The following PAXIP1 variants were observed in gnomAD, a reference collection of about 807,000 sequenced individuals.
PAXIP1 encodes PAX interacting protein 1.
In PAXIP1, 19 loss-of-function variants were observed where a neutral mutation model predicts 140.6. The observed-to-expected ratio is 0.14, with a 90% CI of 0.09 to 0.20. The LOEUF (loss-of-function observed/expected upper bound fraction) is 0.20. PAXIP1 is among the 10% of genes least tolerant of loss of function. The pLI, the probability that PAXIP1 is intolerant of heterozygous loss-of-function variation, is 1.00. For missense variants in PAXIP1, 920 were observed against 1,208.6 expected (o/e 0.76, Z 3.54); for synonymous variants, 442 against 444.6 (o/e 0.99, Z 0.07).
intron 12 of PAXIP1, among the ~76,000 whole-genome samples, chr7:154,960,198 C>T (rs1055395436): frequency 8.5e-5 from 13 of 152,188 alleles, no homozygotes; most frequent in Non-Finnish European, 1.5e-4. Flanking sequence ...AACGTTGTGT[C>T]GAAACCCATG....
At chr7:154,984,985 G>A (rs1810005753) in intron 4 of PAXIP1, among the ~76,000 whole-genome samples, 1 of 152,122 alleles carries the variant, frequency 6.6e-6, no homozygotes, top group Non-Finnish European at 1.5e-5. Flanking sequence ...GAGGAGACCT[G>A]GCATTAATAC....
rs577391286 is a variant in PAXIP1 at position 154,976,150 on chromosome 7, T to A, written c.620A>T (p.Asp207Val). ...EEEEVENEEQDSQNEGSTDEK... is the reference protein window; with the variant it reads ...EEEEVENEEQVSQNEGSTDEK... ...ATCTGTACTACCCTCATTCTGAGAATCTTGTTCCTCATTTTCTACTTCCTC... is the reference window on the plus strand; with the variant it reads ...ATCTGTACTACCCTCATTCTGAGAAACTTGTTCCTCATTTTCTACTTCCTC... Residue 207 changes from aspartate to valine, a missense_variant, in exon 6 of 21, where the codon GAT (aspartate) becomes GTT (valine). Asp to Val is a radical substitution (Grantham distance 152, BLOSUM62 -3). Transcript: ENST00000404141. The A allele has an allele frequency of 4.5e-5, 71 of 1,582,168 alleles. No individual in the cohort carries two copies. The highest frequency in any genetic ancestry group is 2.2e-4 in the Admixed American group (12 of 53,994).
chr7:154,998,873 A>G, intron 1 of PAXIP1, 89 bp from the exon 2 acceptor site: 4 of 1,137,930 alleles, frequency 3.5e-6, no homozygotes, highest in Admixed American at 2.3e-5. Context: ...GCATAATAGT[A>G]CTTTTTAATA....
chr7:155,003,164 C>A (rs1184401461), upstream of PAXIP1: 1 of 150,850 alleles, frequency 6.6e-6, no homozygotes, highest in Non-Finnish European at 1.5e-5. Context: ...ACCATCCCGC[C>A]CCGGCCACCG....
At chr7:154,972,284 C>T (rs1394042712) in intron 6 of PAXIP1, among the ~76,000 whole-genome samples, 2 of 152,128 alleles carry the variant, frequency 1.3e-5, no homozygotes, top group East Asian at 1.9e-4. Context: ...GTCAGGAGTT[C>T]GAGACCAGCC....
At chr7:154,999,721 C>A (rs918533915) in intron 1 of PAXIP1, among the ~76,000 whole-genome samples, 7 of 152,132 alleles carry the variant, frequency 4.6e-5, no homozygotes, top group African/African-American at 1.7e-4. Flanking sequence ...GCATGCCATT[C>A]TTTGGGGGTC....
intron 5 of PAXIP1, 138 bp from the exon 6 acceptor site, chr7:154,976,469 A>C: frequency 8.2e-7 from 1 of 1,221,708 alleles, no homozygotes; most frequent in Non-Finnish European, 1.1e-6. Flanking sequence ...TTTATACAGA[A>C]GCAACGTTTG....
intron 4 of PAXIP1, among the ~76,000 whole-genome samples, chr7:154,987,151 C>T (rs575173147): frequency 1.3e-5 from 2 of 152,344 alleles, no homozygotes; most frequent in Admixed American, 1.3e-4. Flanking sequence ...ACACTGGTGA[C>T]TTCTCAGCTG....
intron 13 of PAXIP1, among the ~76,000 whole-genome samples, chr7:154,957,899 G>A (rs1032580004): frequency 4.7e-5 from 7 of 150,340 alleles, no homozygotes; most frequent in Non-Finnish European, 7.4e-5. Flanking sequence ...CCCGGGAAGC[G>A]GAGCTTGCAG....
In PAXIP1 at chr7:154,945,995, G is replaced by C. The variant is rs148255151; in HGVS notation, c.3194+370C>G. The stretch of plus-strand genomic sequence containing the variant: ...GTTCCTGAGTACAAAGACTATATAC[G>C]AACTAAATTTCATTTGGAAAACTAC... On this transcript the variant is annotated intron_variant, in intron 20 of 20. Coordinates refer to ENST00000404141, the MANE Select transcript of PAXIP1 (RefSeq NM_007349.4). 54 of 984,814 alleles carry C rather than the reference G, an allele frequency of 5.5e-5. No homozygotes were observed. The African/African-American group carries it at 8.7e-4, about 16-fold the overall frequency. The allele number at this position is 984,814 out of a possible 1,614,324, so 61.0% of individuals were successfully genotyped here. A position where few individuals can be genotyped will look rare whatever the true frequency, so the allele number is the denominator to read the frequency against.
chr7:154,971,832 G>A (rs1269953188), intron 6 of PAXIP1, among the ~76,000 whole-genome samples: 1 of 152,132 alleles, frequency 6.6e-6, no homozygotes, highest in Non-Finnish European at 1.5e-5. Flanking sequence ...ACAATCTAAT[G>A]TTCAACTAAA....
chr7:154,988,522 T>C (rs868233203), intron 4 of PAXIP1, among the ~76,000 whole-genome samples: 13 of 152,392 alleles, frequency 8.5e-5, no homozygotes, highest in Middle Eastern at 6.8e-3. Context: ...AATATTCTTT[T>C]GTGCTAAACT....
Position 155,002,851 on chromosome 7 carries a change from G to T in PAXIP1, c.79C>A (p.Gln27Lys). The T allele has an allele frequency of 7.2e-7, 1 of 1,393,036 alleles. No homozygotes were observed. The allele number at this position is 1,393,036 out of a possible 1,614,324, so 86.3% of individuals were successfully genotyped here. A position where few individuals can be genotyped will look rare whatever the true frequency, so the allele number is the denominator to read the frequency against. Residue 27 changes from glutamine to lysine, a missense_variant and splice_region_variant, in exon 1 of 21, where the codon CAG (glutamine) becomes AAG (lysine). This residue lies in a region of PAXIP1 where 419 missense variants were observed against 514.7 expected (regional missense o/e 0.81). Transcript: ENST00000404141. ...KYYAVGDIDP[Q>K]VIQLLKAGKA... ...CGCGGCAGGGGCGGGCGCGGTACCT[G>T]CGGGTCGATGTCGCCCACCGCGTAA...
intron 17 of PAXIP1, chr7:154,947,694 A>G (rs1012127634): frequency 6.0e-6 from 3 of 502,628 alleles, no homozygotes; most frequent in African/African-American, 1.9e-5. Flanking sequence ...ACATTATAGT[A>G]AAGAAAAGTT....
chr7:154,992,771 C>T (rs1284491752), intron 3 of PAXIP1, among the ~76,000 whole-genome samples: 1 of 152,106 alleles, frequency 6.6e-6, no homozygotes, highest in Non-Finnish European at 1.5e-5. Context: ...AGGCTATGTA[C>T]AAGAAAATAT....
At chr7:154,977,774 AG>A (rs149180255) in intron 5 of PAXIP1, among the ~76,000 whole-genome samples, 9,333 of 152,276 alleles carry the variant, frequency 0.061, 383 homozygotes, top group Non-Finnish European at 0.1. Context: ...AAAAGGGCAA[AG>A]GGAAAAAACA....
chr7:154,945,868 G>C (rs1045629672), intron 20 of PAXIP1: 1 of 985,162 alleles, frequency 1.0e-6, no homozygotes, highest in East Asian at 1.1e-4. Flanking sequence ...AAAAAGCCTA[G>C]GTGTCAATAT....
rs1809928231 is a variant in PAXIP1, at chr7:154,983,341, AAGTT to A, written c.325-13_325-10del. The stretch of plus-strand genomic sequence containing the variant: ...CTGTCTTCAGATGACACCTGACAGA[AAGTT>A]AGAAAGAAGGCTTTTACCATACATT... On this transcript the variant is annotated splice_polypyrimidine_tract_variant and intron_variant, in intron 4 of 20. Coordinates refer to ENST00000404141, the MANE Select transcript of PAXIP1 (RefSeq NM_007349.4). 5 of 1,416,940 alleles carry A rather than the reference AAGTT, an allele frequency of 3.5e-6. No individual in the cohort carries two copies. Among genetic ancestry groups the A allele is most frequent in the Non-Finnish European group, 5.0e-6 (5 of 1,003,560 alleles). 87.8% of individuals were successfully genotyped at this position (1,416,940 alleles called of 1,614,324 possible).
At chr7:154,961,709 T>A in intron 10 of PAXIP1, 61 bp from the exon 11 acceptor site, 2 of 1,366,662 alleles carry the variant, frequency 1.5e-6, no homozygotes, top group Non-Finnish European at 2.0e-6. Flanking sequence ...AACCAAGTAC[T>A]ATTTCTTCTA....
Sources: gnomAD v4.1 joint callset for allele counts (sites outside exome capture counted in the v4.1 genomes callset) on GRCh38, gnomAD v4.1.1 for gene constraint, gnomAD v4.1.1 regional missense constraint, MANE v1.5 for transcripts, NCBI Gene and HGNC (gene_info 2026-07-23, HGNC 2026-07-21) for gene names.